AGL: variants seen among roughly 807,000 people sequenced by gnomAD.
AGL encodes amylo-alpha-1,6-glucosidase and 4-alpha-glucanotransferase, also known as glycogen debranching enzyme.
In AGL, 128 loss-of-function variants were observed where a neutral mutation model predicts 199.3. The ratio of observed to expected loss-of-function variants is 0.64; its 90% confidence interval spans 0.56 to 0.74. The LOEUF (loss-of-function observed/expected upper bound fraction) is 0.74, where lower values mean the gene tolerates loss of function less well. Ranked by LOEUF, AGL falls within the 30% of genes least tolerant of loss-of-function variation. The probability of loss-of-function intolerance (pLI) is 0.00; values close to 1 mark genes in which losing one functional copy is unlikely to be tolerated. For synonymous variants in AGL, 584 were observed against 594.7 expected, an observed-to-expected ratio of 0.98 and a Z score of 0.26; for missense variants, 1,809 against 1,820.8, an observed-to-expected ratio of 0.99 and a Z score of 0.12.
intron 7 of AGL, among the ~76,000 whole-genome samples, chr1:99,871,684 T>C (rs1281159287): frequency 4.6e-5 from 7 of 152,200 alleles, no homozygotes. Context: ...ACTTTTGCAA[T>C]TGTGTAACAC....
chr1:99,908,257 C>T (rs766556187), intron 27 of AGL, among the ~76,000 whole-genome samples: 60 of 151,144 alleles, frequency 4.0e-4, no homozygotes, highest in Non-Finnish European at 7.1e-4. Flanking sequence ...GCTCCATTTG[C>T]CAAAAAAAAT....
chr1:99,910,812 CAG>C lies in AGL; in HGVS notation c.3804_3805del (p.Arg1268SerfsTer2). The C allele has an allele frequency of 6.2e-7, 1 of 1,613,120 alleles. No individual in the cohort carries two copies. The highest frequency in any genetic ancestry group is 8.5e-7 in the Non-Finnish European group (1 of 1,179,396). On this transcript the variant is annotated frameshift_variant, in exon 28 of 34. Coordinates refer to ENST00000361915, the MANE Select transcript of AGL (RefSeq NM_000642.3). LOFTEE classifies it high-confidence loss of function. The stretch of plus-strand genomic sequence containing the variant: ...GGATGGATAAAATGGGAGAAAGTGA[CAG>C]AGCTAGAAACAGAGGAATCCCAGCC... ...TWMDKMGESDRARNRGIPATP... is the reference protein window; with the variant it reads ...TWMDKMGESDXARNRGIPATP...
At position 99,875,383 on chromosome 1, in the gene AGL, T is replaced by C. The variant is rs760187901; in HGVS notation, c.1211T>C (p.Val404Ala). ...EQAVNCLLGN[V>A]FYERLAGHGP... Reference sequence around the variant, plus strand: ...GCAGTTAATTGCCTTTTGGGAAATGTGTTTTATGAACGACTGGCTGGCCAT... The same window carrying C: ...GCAGTTAATTGCCTTTTGGGAAATGCGTTTTATGAACGACTGGCTGGCCAT... The change falls in exon 10 of 34, where the codon GTG (valine) becomes GCG (alanine). Residue 404 changes from valine to alanine, a missense_variant. Val to Ala is a moderately conservative substitution (Grantham distance 64). Transcript: ENST00000361915. 3 of 1,614,092 alleles carry C rather than the reference T, an allele frequency of 1.9e-6. No individual in the cohort carries two copies. The highest frequency in any genetic ancestry group is 2.5e-6 in the Non-Finnish European group (3 of 1,180,032).
chr1:99,910,847 G>A lies in AGL; in HGVS notation c.3836G>A (p.Arg1279Lys), dbSNP rs1283862318. 25 of 1,612,106 alleles carry A rather than the reference G, an allele frequency of 1.6e-5. No individual in the cohort carries two copies. Among genetic ancestry groups the A allele is most frequent in the Non-Finnish European group, 2.1e-5 (25 of 1,178,742 alleles). ...AACAGAGGAATCCCAGCCACACCAA[G>A]GTAGTGTAAATGTTATAATGCTGTG... is the stretch of plus-strand genomic sequence containing the variant. Reference protein sequence around the residue: ...ARNRGIPATPRDGSAVEIVGL... With the variant: ...ARNRGIPATPKDGSAVEIVGL... Residue 1279 changes from arginine to lysine, a missense_variant and splice_region_variant, in exon 28 of 34, where the codon AGA (arginine) becomes AAA (lysine). Arg to Lys is a conservative substitution (Grantham distance 26). Coordinates refer to ENST00000361915, the MANE Select transcript of AGL (RefSeq NM_000642.3).
intron 21 of AGL, among the ~76,000 whole-genome samples, 194 bp from the exon 22 acceptor site, chr1:99,891,026 G>T (rs1339668649): frequency 1.4e-4 from 21 of 152,050 alleles, no homozygotes; most frequent in Admixed American, 1.4e-3. Context: ...TTTGTAACTT[G>T]GCTCAAGCCA....
rs765019524 is a variant in AGL, at chr1:99,870,393, C to T, written c.665-7C>T. On this transcript the variant is annotated splice_region_variant and splice_polypyrimidine_tract_variant and intron_variant, in intron 5 of 33. Coordinates refer to ENST00000361915, the MANE Select transcript of AGL (RefSeq NM_000642.3). ...AGATACTCCTTTGTGTCTCCTTTTT[C>T]CTTCAGCTGCTAATAGTAAATGGAT... The T allele has an allele frequency of 6.2e-7, 1 of 1,613,022 alleles. No homozygotes were observed. The highest frequency in any genetic ancestry group is 2.2e-5 in the East Asian group (1 of 44,842).
At chr1:99,880,860 C>T (rs1445452417) in intron 14 of AGL, 65 bp downstream of exon 14, 20 of 1,558,346 alleles carry the variant, frequency 1.3e-5, no homozygotes, top group East Asian at 2.2e-5. Context: ...CTCTCTGACA[C>T]TTGGTCACAA....
chr1:99,894,064 T>C (rs1653117192), intron 24 of AGL, among the ~76,000 whole-genome samples: 1 of 152,042 alleles, frequency 6.6e-6, no homozygotes, highest in Non-Finnish European at 1.5e-5. Flanking sequence ...GGTATGTACC[T>C]GTAGTCCTAG....
intron 11 of AGL, among the ~76,000 whole-genome samples, chr1:99,877,390 C>T (rs371146510): frequency 3.3e-5 from 5 of 151,974 alleles, no homozygotes; most frequent in Non-Finnish European, 7.4e-5. Flanking sequence ...CCTTATGATG[C>T]GACTTGGGTT....
chr1:99,852,641 A>G (rs376599183), intron 2 of AGL: 3 of 760,744 alleles, frequency 3.9e-6, no homozygotes, highest in African/African-American at 1.7e-5. Context: ...CTCTGAAAGT[A>G]CTGGGATTAC....
chr1:99,902,787 G>T lies in AGL; in HGVS notation c.3693G>T (p.Lys1231Asn). 1 of 1,610,714 alleles carries T rather than the reference G, an allele frequency of 6.2e-7. No homozygotes were observed. Among genetic ancestry groups the T allele is most frequent in the South Asian group, 1.1e-5 (1 of 91,008 alleles). Reference sequence around the variant, plus strand: ...GTCCCCAGATAGATCGAAACATGAAGGACGAAGGTACAGAACTTTAACTAA... The same window carrying T: ...GTCCCCAGATAGATCGAAACATGAATGACGAAGGTACAGAACTTTAACTAA... ...NAGPQIDRNM[K>N]DEGFNITAGV... Residue 1231 changes from lysine to asparagine, a missense_variant, in exon 27 of 34, where the codon AAG becomes AAT. Physicochemically the swap from Lys to Asn is moderately conservative, Grantham distance 94 (BLOSUM62 0). Coordinates refer to ENST00000361915, the MANE Select transcript of AGL (RefSeq NM_000642.3).
chr1:99,868,758 C>T (rs962087153), intron 5 of AGL, among the ~76,000 whole-genome samples: 8 of 151,858 alleles, frequency 5.3e-5, no homozygotes, highest in African/African-American at 1.9e-4. Context: ...CTCCTGCACT[C>T]CTGGGTGATG....
chr1:99,861,763 T>A (rs1255240729), intron 3 of AGL, 50 bp downstream of exon 3: 8 of 1,590,884 alleles, frequency 5.0e-6, no homozygotes, highest in Non-Finnish European at 6.9e-6. Context: ...TGTTCTGTAA[T>A]TTGAAGTCAC....
At chr1:99,868,554 G>A (rs1221599415) in intron 5 of AGL, among the ~76,000 whole-genome samples, 2 of 152,156 alleles carry the variant, frequency 1.3e-5, no homozygotes, top group African/African-American at 4.8e-5. Flanking sequence ...GGAGGTTACA[G>A]TGAGCCGAGA....
At chr1:99,878,485 G>C (rs1397492411) in intron 12 of AGL, among the ~76,000 whole-genome samples, 1 of 151,420 alleles carries the variant, frequency 6.6e-6, no homozygotes, top group Non-Finnish European at 1.5e-5. Context: ...ATTTCTCTTT[G>C]AGCTCTTTAC....
At chr1:99,873,567 T>C (rs146450114) in intron 7 of AGL, among the ~76,000 whole-genome samples, 2,300 of 152,158 alleles carry the variant, frequency 0.015, 32 homozygotes, top group Middle Eastern at 0.088. Flanking sequence ...CCCGAGTAGC[T>C]GGGATTACAG....
chr1:99,881,238 A>G, intron 15 of AGL, 54 bp from the exon 16 acceptor site: 1 of 1,613,484 alleles, frequency 6.2e-7, no homozygotes, highest in Non-Finnish European at 8.5e-7. Context: ...ATTTTTATTA[A>G]AAAAAATTCA....
rs781127120 is a variant in AGL at position 99,880,725 on chromosome 1, G to A, written c.1829G>A (p.Arg610Lys). ...PVGSFVQPCL[R>K]PLMPAIAHAL... ...GGATCCTTTGTTCAGCCCTGTTTGA[G>A]GCCTTTAATGCCAGCTATTGCACAT... The change falls in exon 14 of 34, where the codon AGG becomes AAG. Residue 610 changes from arginine (R) to lysine (K), a missense_variant. Coordinates refer to ENST00000361915, the MANE Select transcript of AGL (RefSeq NM_000642.3). 55 of 1,613,996 alleles carry A rather than the reference G, an allele frequency of 3.4e-5. 1 individual carries two copies. The South Asian group carries it at 6.0e-4, about 18-fold the overall frequency.
rs576188961 is a variant in AGL at position 99,874,935 on chromosome 1, T to A, written c.1082+125T>A. ...ATGAAATAAAGTAATTCACTGTAATTCTACTATTTCAGCACATGACATTTT... is the reference window on the plus strand; with the variant it reads ...ATGAAATAAAGTAATTCACTGTAATACTACTATTTCAGCACATGACATTTT... On this transcript the variant is annotated intron_variant, in intron 8 of 33. Coordinates refer to ENST00000361915, the MANE Select transcript of AGL (RefSeq NM_000642.3). The A allele has an allele frequency of 1.1e-5, 14 of 1,262,096 alleles. No homozygotes were observed. In the East Asian group the frequency reaches 2.5e-4, roughly 22 times the overall value. The allele number at this position is 1,262,096 out of a possible 1,614,324, so 78.2% of individuals were successfully genotyped here.
Sources: gnomAD v4.1 joint callset for allele counts (sites outside exome capture counted in the v4.1 genomes callset) on GRCh38, gnomAD v4.1.1 for gene constraint, MANE v1.5 for transcripts, NCBI Gene and HGNC (gene_info 2026-07-23, HGNC 2026-07-21) for gene names.